The following PREX1 variants were observed in gnomAD, a reference collection of about 807,000 sequenced individuals.
The protein encoded by PREX1 is phosphatidylinositol 3,4,5-trisphosphate-dependent Rac exchanger 1 protein.
PREX1 carries 41 observed loss-of-function variants against 198.3 expected under a neutral mutation model. The observed-to-expected ratio is 0.21, with a 90% CI of 0.16 to 0.27. PREX1 has a LOEUF of 0.27. Among genes scored for constraint, PREX1 ranks in the 10% least tolerant of loss-of-function variants. The probability of loss-of-function intolerance (pLI) is 1.00; values close to 1 mark genes in which losing one functional copy is unlikely to be tolerated. For synonymous variants in PREX1, 843 were observed against 887.2 expected, an observed-to-expected ratio of 0.95 and a Z score of 0.89; for missense variants, 1,620 against 2,200.7, an observed-to-expected ratio of 0.74 and a Z score of 5.28.
chr20:48,711,492 G>C (rs1184642305), intron 5 of PREX1, among the ~76,000 whole-genome samples: 1 of 152,138 alleles, frequency 6.6e-6, no homozygotes, highest in African/African-American at 2.4e-5. Context: ...CTGCCAGTTA[G>C]TGAGACCCCC....
chr20:48,824,892 C>T (rs958687006), intron 1 of PREX1, among the ~76,000 whole-genome samples: 1 of 152,144 alleles, frequency 6.6e-6, no homozygotes, highest in African/African-American at 2.4e-5. Context: ...GACCTTCACA[C>T]CAAGGACACA....
intron 1 of PREX1, among the ~76,000 whole-genome samples, chr20:48,818,688 A>C (rs1304973666): frequency 6.6e-6 from 1 of 152,252 alleles, no homozygotes; most frequent in Non-Finnish European, 1.5e-5. Flanking sequence ...ATAGACAGTA[A>C]AGTGCTGTTA....
intron 3 of PREX1, among the ~76,000 whole-genome samples, chr20:48,743,518 C>T (rs2090091733): frequency 6.6e-6 from 1 of 152,170 alleles, no homozygotes; most frequent in South Asian, 2.1e-4. Context: ...TGCTCAATGC[C>T]CTCCGCTAGC....
In PREX1 at chr20:48,691,394, A is replaced by G. The variant is rs371367708; in HGVS notation, c.1037-298T>C. ...GGGGAGACACTTGCTTGGAGCCCCA[A>G]AATGCTTCCTGGGCTCCTCCCATCT... On this transcript the variant is annotated intron_variant, in intron 8 of 39. Transcript: ENST00000371941. This position sits in a 1 kb window ranked among gnomAD's most constrained non-coding sequence, Gnocchi z 5.0. Among the ~76,000 whole-genome samples the G allele has an allele frequency of 3.6e-4, 55 of 152,318 alleles. No homozygotes were observed. Among genetic ancestry groups the G allele is most frequent in the African/African-American group, 1.2e-3 (49 of 41,564 alleles).
upstream of PREX1, among the ~76,000 whole-genome samples, chr20:48,829,944 C>CT (rs1469540920): frequency 4.6e-5 from 7 of 152,160 alleles, no homozygotes; most frequent in African/African-American, 1.7e-4. Context: ...AACCTTGGGA[C>CT]TATTGACATT....
the PREX1 span, among the ~76,000 whole-genome samples, chr20:48,882,512 A>AG: frequency 2.0e-5 from 3 of 147,246 alleles, no homozygotes; most frequent in Non-Finnish European, 4.5e-5. Flanking sequence ...AAAAAAAAAA[A>AG]AAAAAAAAAA....
chr20:48,627,678 G>GGGGGGT, intron 38 of PREX1, 63 bp from the exon 39 acceptor site: 3 of 1,526,582 alleles, frequency 2.0e-6, no homozygotes, highest in Non-Finnish European at 2.7e-6. Flanking sequence ...GAAGCACACT[G>GGGGGGT]GGGGGTGGGG....
chr20:48,641,902 GGAAGGAAA>G (rs2089415952), intron 29 of PREX1, among the ~76,000 whole-genome samples: 1 of 95,190 alleles, frequency 1.1e-5, no homozygotes, highest in African/African-American at 3.9e-5. Context: ...AAGGAAGGAA[GGAAGGAAA>G]AGAAACAGGA....
chr20:48,835,470 C>T, the PREX1 span, among the ~76,000 whole-genome samples: 1 of 152,194 alleles, frequency 6.6e-6, no homozygotes. Context: ...ATGGATTAAA[C>T]AACAGGGAGC....
At chr20:48,660,366 C>T (rs894339240) in intron 15 of PREX1, among the ~76,000 whole-genome samples, 1 of 152,152 alleles carries the variant, frequency 6.6e-6, no homozygotes, top group African/African-American at 2.4e-5. Flanking sequence ...CAATAACCAG[C>T]AGAAGGGAAT....
chr20:48,665,318 T>TCCAGACGGCCTGAATTCTAATCCCGGC (rs2089630706), intron 15 of PREX1, among the ~76,000 whole-genome samples: 1 of 103,186 alleles, frequency 9.7e-6, no homozygotes, highest in African/African-American at 4.1e-5. Flanking sequence ...CTAATCCTGG[T>TCCAGACGGCCTGAATTCTAATCCCGGC]TCCAGACGGC....
intron 1 of PREX1, among the ~76,000 whole-genome samples, chr20:48,817,693 G>A (rs1157511033): frequency 6.6e-6 from 1 of 152,056 alleles, no homozygotes; most frequent in Non-Finnish European, 1.5e-5. Flanking sequence ...TACCCACATA[G>A]TCAAAAGACA....
In PREX1 at chr20:48,644,580, T is replaced by C. The variant is rs537255691; in HGVS notation, c.3513-83A>G. On this transcript the variant is annotated intron_variant, in intron 26 of 39. Coordinates refer to ENST00000371941, the MANE Select transcript of PREX1 (RefSeq NM_020820.4). The stretch of plus-strand genomic sequence containing the variant: ...GGCACCCAAAACCCACTTTCTACAG[T>C]GTAGACAAAACCCCTGGGCCCTCAG... 78 of 1,267,644 alleles carry C rather than the reference T, an allele frequency of 6.2e-5. No homozygotes were observed. In the African/African-American group the frequency reaches 1.1e-3, roughly 18 times the overall value. 78.5% of individuals were successfully genotyped at this position (1,267,644 alleles called of 1,614,324 possible). A position where few individuals can be genotyped will look rare whatever the true frequency, so the allele number is the denominator to read the frequency against.
At position 48,657,066 on chromosome 20, in the gene PREX1, G is replaced by A. The variant is rs772980517; in HGVS notation, c.2097C>T (p.Arg699=). The change falls in exon 18 of 40, where the codon CGC becomes CGT. Residue 699 remains arginine, a synonymous_variant. Transcript: ENST00000371941. ...NQSFCSRRPL[R]LLVATKAKEI... is the part of the protein sequence containing the mutation. ...CTTTGGCCTTCGTGGCCACCAGGAG[G>A]CGCAGAGGGCGGCGGGAGCAGAAGG... 53 of 1,602,358 alleles carry A rather than the reference G, an allele frequency of 3.3e-5. No homozygotes were observed. In the African/African-American group the frequency reaches 6.2e-4, roughly 19 times the overall value.
At chr20:48,800,472 C>T (rs2090381588) in intron 1 of PREX1, among the ~76,000 whole-genome samples, 1 of 152,194 alleles carries the variant, frequency 6.6e-6, no homozygotes, top group Admixed American at 6.5e-5. Flanking sequence ...CGACAGCAGC[C>T]AACAATCCCT....
rs11289036 is a variant in PREX1 at position 48,697,384 on chromosome 20, CTT to C, written c.917+3367_917+3368del. Among the ~76,000 whole-genome samples, 407 of 138,816 alleles carry C rather than the reference CTT, an allele frequency of 2.9e-3. 1 individual carries two copies. In the East Asian group the frequency reaches 0.044, roughly 15 times the overall value. 91.1% of individuals were successfully genotyped at this position (138,816 alleles called of 152,430 possible). A position where few individuals can be genotyped will look rare whatever the true frequency, so the allele number is the denominator to read the frequency against. On this transcript the variant is annotated intron_variant, in intron 7 of 39. Transcript: ENST00000371941. ...AGCCTCTGTGTTCTTTTTTTCTTTT[CTT>C]TTTTTTTTTTTTGAGACAGAGTCTC...
intron 5 of PREX1, among the ~76,000 whole-genome samples, chr20:48,718,954 A>G (rs2089973929): frequency 6.6e-6 from 1 of 152,250 alleles, no homozygotes; most frequent in South Asian, 2.1e-4. Flanking sequence ...AAAAACCATT[A>G]CAATATTTGA....
chr20:48,719,254 G>A (rs1039211781), intron 5 of PREX1, among the ~76,000 whole-genome samples: 8 of 152,268 alleles, frequency 5.3e-5, no homozygotes, highest in South Asian at 4.1e-4. Flanking sequence ...AGGCTCCTTC[G>A]AAGATGGGGC....
At chr20:48,681,677 T>TGG (rs1568821463) in intron 10 of PREX1, among the ~76,000 whole-genome samples, 28 of 146,340 alleles carry the variant, frequency 1.9e-4, no homozygotes, top group Admixed American at 6.9e-4. Context: ...AGTGACTACA[T>TGG]AGATGGATGG....
Sources: gnomAD v4.1 joint callset for allele counts (sites outside exome capture counted in the v4.1 genomes callset) on GRCh38, gnomAD v4.1.1 for gene constraint, Gnocchi (gnomAD v3.1) non-coding constraint, MANE v1.5 for transcripts, NCBI Gene and HGNC (gene_info 2026-07-23, HGNC 2026-07-21) for gene names.